OLFM3: variants seen among roughly 807,000 people sequenced by gnomAD.
The protein encoded by OLFM3 is noelin-3.
A neutral mutation model predicts 48.6 loss-of-function variants in OLFM3; 20 were observed. The ratio of observed to expected loss-of-function variants is 0.41; its 90% CI spans 0.29 to 0.60. The LOEUF (loss-of-function observed/expected upper bound fraction) is 0.60. Ranked by LOEUF, OLFM3 falls within the 20% of genes least tolerant of loss-of-function variation. OLFM3 has a pLI of 0.28. For missense variants in OLFM3, 437 were observed against 544.3 expected, an observed-to-expected ratio of 0.80 and a Z score of 1.96; for synonymous variants, 222 against 198.1, an observed-to-expected ratio of 1.12 and a Z score of -1.01.
chr1:101,972,164 T>C (rs1370188844), intron 1 of OLFM3, among the ~76,000 whole-genome samples: 1 of 152,190 alleles, frequency 6.6e-6, no homozygotes, highest in Non-Finnish European at 1.5e-5. Flanking sequence ...TCTTCCTTTG[T>C]GAAAGTAATG....
intron 1 of OLFM3, among the ~76,000 whole-genome samples, chr1:101,904,128 C>T (rs4142810): frequency 0.089 from 13,505 of 151,942 alleles, 787 homozygotes; most frequent in East Asian, 0.22. Context: ...CTCAGTCATC[C>T]TTATAGTTTG....
chr1:101,807,417 TCTGA>T (rs1653826547), intron 4 of OLFM3, among the ~76,000 whole-genome samples: 2 of 151,904 alleles, frequency 1.3e-5, no homozygotes, highest in Admixed American at 1.3e-4. Context: ...TCTTTCCTCC[TCTGA>T]CTATTTAGAA....
intron 1 of OLFM3, among the ~76,000 whole-genome samples, chr1:101,871,747 ATAT>A (rs1417589696): frequency 1.3e-4 from 19 of 151,616 alleles, no homozygotes; most frequent in Admixed American, 8.5e-4. Flanking sequence ...ATGATTTATA[ATAT>A]TATTAAATAC....
intron 1 of OLFM3, among the ~76,000 whole-genome samples, chr1:101,960,371 T>C (rs1660431599): frequency 6.6e-6 from 1 of 152,132 alleles, no homozygotes; most frequent in Non-Finnish European, 1.5e-5. Flanking sequence ...GCCGGGAGCT[T>C]AGAGCAAGGC....
At chr1:101,988,267 T>C (rs112608914) in intron 1 of OLFM3, among the ~76,000 whole-genome samples, 56 of 152,264 alleles carry the variant, frequency 3.7e-4, no homozygotes, top group African/African-American at 1.3e-3. Context: ...TTTGGACTTA[T>C]AAGTCCATGC....
intron 1 of OLFM3, among the ~76,000 whole-genome samples, chr1:101,842,045 C>G (rs1263556413): frequency 1.3e-5 from 2 of 152,052 alleles, no homozygotes; most frequent in Non-Finnish European, 2.9e-5. Flanking sequence ...ACAGACCACG[C>G]CAAAAGAAGC....
chr1:101,809,634 T>C (rs724480), intron 4 of OLFM3, among the ~76,000 whole-genome samples: 83,902 of 151,502 alleles, frequency 0.55, 23,641 homozygotes, highest in East Asian at 0.64. Flanking sequence ...GCTTTGAGAA[T>C]AATCAGCCCA....
intron 2 of OLFM3, among the ~76,000 whole-genome samples, chr1:101,831,987 C>T (rs111780145): frequency 0.043 from 6,548 of 152,128 alleles, 154 homozygotes; most frequent in East Asian, 0.086. Context: ...ACCACAACCT[C>T]CGCCTCCTGG....
At chr1:101,812,211 T>G (rs894578234) in intron 4 of OLFM3, among the ~76,000 whole-genome samples, 3 of 151,956 alleles carry the variant, frequency 2.0e-5, no homozygotes, top group African/African-American at 7.2e-5. Context: ...GGGAGGGATA[T>G]TATTAGGAGA....
chr1:101,865,445 C>A lies in OLFM3; in HGVS notation c.70-28420G>T, dbSNP rs567289782. On this transcript the variant is annotated intron_variant, in intron 1 of 5. Transcript: ENST00000370103. ...AGTAGAATTCAATCTACACTGCAGA[C>A]CCCTAGGCATTTACTTCTCCTTTTA... Among the ~76,000 whole-genome samples the A allele has an allele frequency of 5.3e-5, 8 of 152,274 alleles. No individual in the cohort carries two copies. The South Asian group carries it at 1.5e-3, about 28-fold the overall frequency.
At chr1:101,927,575 T>A (rs1427890914) in intron 1 of OLFM3, among the ~76,000 whole-genome samples, 1 of 151,952 alleles carries the variant, frequency 6.6e-6, no homozygotes, top group Non-Finnish European at 1.5e-5. Flanking sequence ...GCCTAAGGTC[T>A]TGTTCCCAAA....
chr1:101,890,086 CCTTTTAATGATCTTGGAAAATAATAG>C (rs1657931230), intron 1 of OLFM3, among the ~76,000 whole-genome samples: 1 of 151,868 alleles, frequency 6.6e-6, no homozygotes, highest in Admixed American at 6.6e-5. Context: ...CTTTCAAAGA[CCTTTTAATGATCTTGGAAAATAATAG>C]CTTTTAATGA....
chr1:101,822,629 C>T (rs1654663894), intron 4 of OLFM3, among the ~76,000 whole-genome samples: 1 of 152,102 alleles, frequency 6.6e-6, no homozygotes, highest in Non-Finnish European at 1.5e-5. Context: ...ATAGAAAATG[C>T]ATCTGGATAT....
chr1:101,913,814 A>G (rs1183033301), intron 1 of OLFM3, among the ~76,000 whole-genome samples: 1 of 152,182 alleles, frequency 6.6e-6, no homozygotes, highest in Non-Finnish European at 1.5e-5. Context: ...AAAATTTATC[A>G]ACAGAAATAC....
chr1:101,947,566 A>G (rs1659999722), intron 1 of OLFM3, among the ~76,000 whole-genome samples: 1 of 152,190 alleles, frequency 6.6e-6, no homozygotes, highest in Non-Finnish European at 1.5e-5. Context: ...GCTGGATTTC[A>G]AGTCCAGCCT....
chr1:101,987,768 T>G (rs947457540), intron 1 of OLFM3, among the ~76,000 whole-genome samples: 3 of 152,148 alleles, frequency 2.0e-5, no homozygotes, highest in Admixed American at 6.5e-5. Flanking sequence ...TTCAACTTAG[T>G]TGGAAAAATT....
intron 1 of OLFM3, chr1:101,846,909 A>G: frequency 6.2e-7 from 1 of 1,612,808 alleles, no homozygotes; most frequent in South Asian, 1.1e-5. Flanking sequence ...AGTTTGGGAC[A>G]TCCAGTTTGA....
At chr1:101,815,454 G>GA (rs71088110) in intron 4 of OLFM3, among the ~76,000 whole-genome samples, 116 of 128,054 alleles carry the variant, frequency 9.1e-4, no homozygotes, top group South Asian at 2.5e-3. Flanking sequence ...CTCAAAAAAA[G>GA]AAAAAAAAAA....
chr1:101,820,115 T>C (rs1361031938), intron 4 of OLFM3, among the ~76,000 whole-genome samples: 1 of 152,152 alleles, frequency 6.6e-6, no homozygotes, highest in African/African-American at 2.4e-5. Flanking sequence ...TAAATTAAAA[T>C]ATTAGCCCAT....
Sources: allele counts gnomAD v4.1 joint callset (sites outside exome capture counted in the v4.1 genomes callset), GRCh38; gene constraint gnomAD v4.1.1; transcripts MANE v1.5; gene names NCBI Gene and HGNC (gene_info 2026-07-23, HGNC 2026-07-21).